Variants in TRPV3 observed in about 807,000 individuals in gnomAD.
TRPV3 encodes VRL-3.
TRPV3 carries 88 observed loss-of-function variants against 87.1 expected under a neutral mutation model. The ratio of observed to expected loss-of-function variants is 1.01; its 90% confidence interval spans 0.85 to 1.21. TRPV3 has a LOEUF of 1.21. Among genes scored for constraint, TRPV3 ranks in the 50% most tolerant of loss-of-function variants. TRPV3 has a pLI of 0.00. For synonymous variants in TRPV3, 438 were observed against 423.3 expected (o/e 1.03, Z -0.43); for missense variants, 1,054 against 1,030.1 (o/e 1.02, Z -0.32).
At chr17:3,550,004 G>T (rs2074559277) in intron 2 of TRPV3, among the ~76,000 whole-genome samples, 2 of 150,806 alleles carry the variant, frequency 1.3e-5, no homozygotes, top group South Asian at 4.2e-4. Flanking sequence ...TGGATGGATG[G>T]ATGAATAAAT....
At chr17:3,532,988 G>T in intron 7 of TRPV3, 51 bp from the exon 8 acceptor site, 1 of 1,596,444 alleles carries the variant, frequency 6.3e-7, no homozygotes, top group East Asian at 2.2e-5. Context: ...CGGAAGCAGC[G>T]TCCCCCAAGC....
rs116551836 is a variant in TRPV3 at position 3,533,010 on chromosome 17, G to A, written c.785-73C>T. The A allele has an allele frequency of 2.9e-4, 449 of 1,559,858 alleles. 3 individuals carry two copies. In the African/African-American group the frequency reaches 5.0e-3, roughly 17 times the overall value. ...AGCGTCCCCCAAGCCCCAGGACTGG[G>A]GCCCATATCCTATCTCAGCAGGATG... On this transcript the variant is annotated intron_variant, in intron 7 of 17. Transcript: ENST00000576742.
intron 2 of TRPV3, chr17:3,553,131 C>G (rs1161061862): frequency 6.6e-6 from 1 of 152,640 alleles, no homozygotes; most frequent in South Asian, 2.1e-4. Context: ...CACCGGGACT[C>G]CTCCTTCTCC....
chr17:3,537,749 C>T lies in TRPV3; in HGVS notation c.644-2036G>A, dbSNP rs377592700. On this transcript the variant is annotated intron_variant, in intron 6 of 17. Transcript: ENST00000576742. ...AGAAACCCCATCTCTACTGAAAATA[C>T]AAAAAAATTAGCCAAGTGTGGTGGC... Among the ~76,000 whole-genome samples, 7 of 151,250 alleles carry T rather than the reference C, an allele frequency of 4.6e-5. No homozygotes were observed. In the East Asian group the frequency reaches 1.4e-3, roughly 29 times the overall value.
At position 3,510,541 on chromosome 17, in the gene TRPV3, C is replaced by T. The variant is rs1391511711; in HGVS notation, c.*3376G>A. ...AAATATTTATTAGAAATCAAAAAAC[C>T]ATTTCTTCAATGGCACAAACATGTT... On this transcript the variant is annotated 3_prime_UTR_variant, in exon 18 of 18. Transcript: ENST00000576742. The T allele has an allele frequency of 6.6e-6, 1 of 152,168 alleles. No homozygotes were observed. Among genetic ancestry groups the T allele is most frequent in the East Asian group, 1.9e-4 (1 of 5,204 alleles). 9.4% of individuals were successfully genotyped at this position (152,168 alleles called of 1,614,324 possible).
Position 3,542,656 on chromosome 17 carries a change from G to A in TRPV3, c.509C>T (p.Thr170Ile), listed in dbSNP as rs202045599. 1.2e-6 allele frequency: 2 copies of A among 1,614,118 alleles called. No individual in the cohort carries two copies. Among genetic ancestry groups the A allele is most frequent in the South Asian group, 1.1e-5 (1 of 91,072 alleles). ...GTTTAACAAGGCCTTCATCAGGCAG[G>A]TCTTCCCCGTGTCGGAGGCCGTCAG... is the stretch of plus-strand genomic sequence containing the variant. ...HKLTASDTGK[T>I]CLMKALLNIN... The change falls in exon 6 of 18, where the codon ACC becomes ATC. Residue 170 changes from threonine to isoleucine, a missense_variant. Physicochemically the swap from Thr to Ile is moderately conservative, Grantham distance 89. Coordinates refer to ENST00000576742, the MANE Select transcript of TRPV3 (RefSeq NM_145068.4).
At chr17:3,547,895 C>T (rs2074541322) in intron 2 of TRPV3, among the ~76,000 whole-genome samples, 1 of 152,254 alleles carries the variant, frequency 6.6e-6, no homozygotes, top group Non-Finnish European at 1.5e-5. Flanking sequence ...CCGCCAGCTC[C>T]ACCTTCAGAC....
intron 2 of TRPV3, 53 bp downstream of exon 2, chr17:3,554,679 C>A: frequency 7.0e-6 from 9 of 1,290,508 alleles, no homozygotes; most frequent in Non-Finnish European, 9.9e-6. Context: ...GCCAGGCCCC[C>A]ACTCGTGCCC....
In TRPV3 at chr17:3,513,750, C is replaced by A. The variant is rs1394801182; in HGVS notation, c.*167G>T. On this transcript the variant is annotated 3_prime_UTR_variant, in exon 18 of 18. Transcript: ENST00000576742. ...GTTTCCCACTCAGACAAATTGACAA[C>A]TGCCCCTCAGTTCAGACACCCACTG... 2 of 540,904 alleles carry A rather than the reference C, an allele frequency of 3.7e-6. No homozygotes were observed. The highest frequency in any genetic ancestry group is 1.9e-5 in the African/African-American group (1 of 53,012). 33.5% of individuals were successfully genotyped at this position (540,904 alleles called of 1,614,324 possible). A position where few individuals can be genotyped will look rare whatever the true frequency, so the allele number is the denominator to read the frequency against.
rs902653690 is a variant in TRPV3, at chr17:3,530,809, A to G, written c.1066-606T>C. Among the ~76,000 whole-genome samples the G allele has an allele frequency of 3.9e-5, 6 of 152,112 alleles. No homozygotes were observed. The highest frequency in any genetic ancestry group is 2.0e-4 in the Admixed American group (3 of 15,274). ...AGTAGCTCACGCCTGTAATCCCAGCACTTTGGGAGGCCGAGGCGGGTGGAT... is the reference window on the plus strand; with the variant it reads ...AGTAGCTCACGCCTGTAATCCCAGCGCTTTGGGAGGCCGAGGCGGGTGGAT... On this transcript the variant is annotated intron_variant, in intron 8 of 17. Transcript: ENST00000576742. This position sits in a 1 kb window ranked among gnomAD's most constrained non-coding sequence, Gnocchi z 4.0.
chr17:3,557,324 C>T lies in TRPV3; in HGVS notation c.-3+352G>A, dbSNP rs1245226031. ...CCCATCCTGAACTCCCATCACAATC[C>T]TGCCCCAGAAAGCCACCTCCCTGGG... On this transcript the variant is annotated intron_variant, in intron 1 of 17. Transcript: ENST00000576742. This position sits in a 1 kb window ranked among gnomAD's most constrained non-coding sequence, Gnocchi z 4.5. Among the ~76,000 whole-genome samples the T allele has an allele frequency of 6.6e-6, 1 of 152,180 alleles. No homozygotes were observed. The highest frequency in any genetic ancestry group is 1.5e-5 in the Non-Finnish European group (1 of 68,014).
In TRPV3 at chr17:3,542,701, G is replaced by T. The variant is rs766158889; in HGVS notation, c.467-3C>A. The T allele has an allele frequency of 2.5e-6, 4 of 1,612,968 alleles. No homozygotes were observed. The highest frequency in any genetic ancestry group is 2.5e-6 in the Non-Finnish European group (3 of 1,179,384). On this transcript the variant is annotated splice_polypyrimidine_tract_variant and splice_region_variant and intron_variant, in intron 5 of 17. Transcript: ENST00000576742. The stretch of plus-strand genomic sequence containing the variant: ...CGTCAGCTTGTGCATGAGGAAGTCT[G>T]CAGGCAGGGCCATGGGTGGAGTTAC...
intron 14 of TRPV3, among the ~76,000 whole-genome samples, chr17:3,519,326 G>C (rs1188552639): frequency 1.4e-5 from 2 of 140,688 alleles, no homozygotes; most frequent in Non-Finnish European, 3.0e-5. Flanking sequence ...CTGAATGGTT[G>C]GATGGATGGA....
At chr17:3,526,949 A>C in intron 11 of TRPV3, 22 bp from the exon 12 acceptor site, 1 of 1,599,080 alleles carries the variant, frequency 6.3e-7, no homozygotes, top group Non-Finnish European at 8.5e-7. Context: ...AAGGAAAGAA[A>C]CAGTGCACCC....
chr17:3,542,283 G>A (rs2074470836), intron 6 of TRPV3, among the ~76,000 whole-genome samples: 1 of 152,222 alleles, frequency 6.6e-6, no homozygotes, highest in African/African-American at 2.4e-5. Context: ...AACCTGTCTT[G>A]TTCACCAGTG....
chr17:3,520,486 G>C (rs1020625309), intron 14 of TRPV3, among the ~76,000 whole-genome samples: 1 of 152,210 alleles, frequency 6.6e-6, no homozygotes, highest in Non-Finnish European at 1.5e-5. Flanking sequence ...AACACTTGCA[G>C]AACCTATCTT....
chr17:3,527,880 C>G (rs1008022672), intron 11 of TRPV3, 145 bp downstream of exon 11: 7 of 648,314 alleles, frequency 1.1e-5, no homozygotes, highest in African/African-American at 1.8e-5. Flanking sequence ...TCCATTTTTT[C>G]CCATGTTATA....
chr17:3,535,568 C>G lies in TRPV3; in HGVS notation c.784+5G>C. ...GACTCCGCACCGGGCGGGGGCGGCACCCACCGAAGTAGAAGCCTTCGTGTT... is the reference window on the plus strand; with the variant it reads ...GACTCCGCACCGGGCGGGGGCGGCAGCCACCGAAGTAGAAGCCTTCGTGTT... On this transcript the variant is annotated splice_donor_5th_base_variant and intron_variant, in intron 7 of 17. Coordinates refer to ENST00000576742, the MANE Select transcript of TRPV3 (RefSeq NM_145068.4). 6.3e-7 allele frequency: 1 copy of G among 1,592,334 alleles called. No individual in the cohort carries two copies. The highest frequency in any genetic ancestry group is 1.1e-5 in the South Asian group (1 of 88,528).
chr17:3,529,046 G>T, intron 9 of TRPV3, 51 bp from the exon 10 acceptor site: 1 of 1,606,140 alleles, frequency 6.2e-7, no homozygotes, highest in South Asian at 1.1e-5. Context: ...GAGAGGGAGG[G>T]ACCGTTTTCT....
Sources: allele counts gnomAD v4.1 joint callset (sites outside exome capture counted in the v4.1 genomes callset), GRCh38; gene constraint gnomAD v4.1.1; non-coding constraint Gnocchi (gnomAD v3.1); transcripts MANE v1.5; gene names NCBI Gene and HGNC (gene_info 2026-07-23, HGNC 2026-07-21).